PMFBP1: variants seen among roughly 807,000 people sequenced by gnomAD.
PMFBP1 encodes polyamine modulated factor 1 binding protein 1.
Under a neutral mutation model 137.8 loss-of-function variants are expected in PMFBP1, and 131 were observed. The observed-to-expected ratio is 0.95, with a 90% CI of 0.82 to 1.10. The LOEUF (loss-of-function observed/expected upper bound fraction) is 1.10. Ranked by LOEUF, PMFBP1 falls within the 50% of genes least tolerant of loss-of-function variation. PMFBP1 has a pLI of 0.00. For synonymous variants in PMFBP1, 490 were observed against 450.4 expected (o/e 1.09, Z -1.11); for missense variants, 1,199 against 1,175.4 (o/e 1.02, Z -0.29).
At chr16:72,172,994 A>G (rs2043235412), upstream of PMFBP1, among the ~76,000 whole-genome samples, 1 of 152,210 alleles carries the variant, frequency 6.6e-6, no homozygotes, top group South Asian at 2.1e-4. Flanking sequence ...GAACTCACAA[A>G]TGACTTCCAC....
chr16:72,243,322 T>C, the PMFBP1 span, among the ~76,000 whole-genome samples: 4 of 152,368 alleles, frequency 2.6e-5, no homozygotes, highest in East Asian at 7.7e-4. Flanking sequence ...AATACCCTTC[T>C]GCACGTGGAT....
chr16:72,178,926 C>A (rs532287991), upstream of PMFBP1, among the ~76,000 whole-genome samples: 2 of 152,286 alleles, frequency 1.3e-5, no homozygotes, highest in African/African-American at 2.4e-5. Context: ...GGGTAATATT[C>A]AGACAATTTT....
rs142460615 is a variant in PMFBP1 at position 72,119,964 on chromosome 16, G to A, written c.2894C>T (p.Thr965Met). 1.0e-3 allele frequency: 1,671 copies of A among 1,614,166 alleles called. 5 individuals are homozygous for A. The highest frequency in any genetic ancestry group is 2.5e-3 in the Middle Eastern group (15 of 6,062). Reference sequence around the variant, plus strand: ...CACTTTCTCCCTCTGTGTGGACTCCGTTCTGCTCGGGCCTAGGGCTTTGGT... The same window carrying A: ...CACTTTCTCCCTCTGTGTGGACTCCATTCTGCTCGGGCCTAGGGCTTTGGT... ...LCTKALGPSR[T>M]ESTQREKVCG... The change falls in exon 20 of 21, where the codon ACG (threonine) becomes ATG (methionine). Residue 965 changes from threonine to methionine, a missense_variant. Physicochemically the swap from Thr to Met is moderately conservative, Grantham distance 81. Coordinates refer to ENST00000237353, the MANE Select transcript of PMFBP1 (RefSeq NM_031293.3).
At chr16:72,140,683 A>G in intron 5 of PMFBP1, 101 bp from the exon 6 acceptor site, 1 of 1,022,798 alleles carries the variant, frequency 9.8e-7, no homozygotes, top group East Asian at 2.4e-5. Flanking sequence ...TTCTAAAGGT[A>G]TATGTTCATA....
intron 2 of PMFBP1, among the ~76,000 whole-genome samples, chr16:72,166,270 G>A (rs143906337): frequency 6.6e-6 from 1 of 152,192 alleles, no homozygotes; most frequent in African/African-American, 2.4e-5. Flanking sequence ...AATAGTGAGT[G>A]AGTTCTTACG....
At chr16:72,240,808 AT>A in the PMFBP1 span, among the ~76,000 whole-genome samples, 1 of 152,214 alleles carries the variant, frequency 6.6e-6, no homozygotes, top group Non-Finnish European at 1.5e-5. Flanking sequence ...CATCTCAAAT[AT>A]TCTTCATATT....
chr16:72,229,699 G>A, the PMFBP1 span, among the ~76,000 whole-genome samples: 1 of 151,992 alleles, frequency 6.6e-6, no homozygotes, highest in African/African-American at 2.4e-5. Context: ...GCTTCTTGAT[G>A]CACTCTTGGT....
the PMFBP1 span, among the ~76,000 whole-genome samples, chr16:72,201,591 C>A: frequency 6.6e-6 from 1 of 152,294 alleles, no homozygotes; most frequent in East Asian, 1.9e-4. Context: ...TAACAAAGAA[C>A]TCCAGCAAAG....
chr16:72,235,979 T>C, the PMFBP1 span, among the ~76,000 whole-genome samples: 4 of 152,170 alleles, frequency 2.6e-5, no homozygotes, highest in African/African-American at 9.7e-5. Flanking sequence ...TGGAAGCTTT[T>C]AATTGTTTTT....
chr16:72,233,740 C>T, the PMFBP1 span, among the ~76,000 whole-genome samples: 2 of 152,034 alleles, frequency 1.3e-5, no homozygotes. Context: ...ATTCGTCATT[C>T]CCTCCTTCCC....
Position 72,119,895 on chromosome 16 carries a change from T to C in PMFBP1, c.2963A>G (p.Gln988Arg). The change falls in exon 20 of 21, where the codon CAA becomes CGA. Residue 988 changes from glutamine (Q) to arginine (R), a missense_variant. By Grantham distance (43) the Gln-to-Arg change is conservative. Coordinates refer to ENST00000237353, the MANE Select transcript of PMFBP1 (RefSeq NM_031293.3). ...GATGTACTTGGTGAGGTCCATTCTT[T>C]GACCCATATCCTGGGGCAACCCCTT... ...GWKGLPQDMGQRMDLTKYIGM... is the reference protein window; with the variant it reads ...GWKGLPQDMGRRMDLTKYIGM... 1 of 1,614,234 alleles carries C rather than the reference T, an allele frequency of 6.2e-7. No homozygotes were observed. Among genetic ancestry groups the C allele is most frequent in the Non-Finnish European group, 8.5e-7 (1 of 1,180,032 alleles).
intron 3 of PMFBP1, among the ~76,000 whole-genome samples, chr16:72,164,213 C>T (rs1322761113): frequency 2.0e-5 from 3 of 152,118 alleles, no homozygotes; most frequent in African/African-American, 4.8e-5. Context: ...ACCATCTCCC[C>T]ATCTGACATT....
At chr16:72,231,767 T>G in the PMFBP1 span, among the ~76,000 whole-genome samples, 1 of 152,136 alleles carries the variant, frequency 6.6e-6, no homozygotes, top group Non-Finnish European at 1.5e-5. Flanking sequence ...ATTTTCTAAG[T>G]GTTCATTCTT....
chr16:72,180,923 C>A (rs906318326), upstream of PMFBP1, among the ~76,000 whole-genome samples: 3 of 152,170 alleles, frequency 2.0e-5, no homozygotes, highest in African/African-American at 7.2e-5. Flanking sequence ...TGCACTGCAG[C>A]ATTTGGGTGT....
the PMFBP1 span, among the ~76,000 whole-genome samples, chr16:72,199,907 G>C: frequency 6.6e-6 from 1 of 152,186 alleles, no homozygotes; most frequent in African/African-American, 2.4e-5. Context: ...CTGGTTGTCA[G>C]AGCTGACTCT....
chr16:72,185,235 GC>G, the PMFBP1 span, among the ~76,000 whole-genome samples: 2 of 151,978 alleles, frequency 1.3e-5, no homozygotes, highest in African/African-American at 4.8e-5. Context: ...TGTTGCCTAG[GC>G]TGGTTTTGAA....
the PMFBP1 span, among the ~76,000 whole-genome samples, chr16:72,231,501 T>C: frequency 1.3e-5 from 2 of 152,144 alleles, no homozygotes; most frequent in African/African-American, 4.8e-5. Flanking sequence ...GGATGAAGCC[T>C]GAAAATTGGA....
intron 5 of PMFBP1, among the ~76,000 whole-genome samples, chr16:72,141,055 C>A (rs2042713725): frequency 1.3e-5 from 2 of 151,274 alleles, no homozygotes; most frequent in African/African-American, 4.9e-5. Flanking sequence ...CTGCCTCAGC[C>A]CCCCAAATAG....
upstream of PMFBP1, among the ~76,000 whole-genome samples, chr16:72,173,450 T>C (rs1417530210): frequency 6.6e-6 from 1 of 152,204 alleles, no homozygotes; most frequent in Non-Finnish European, 1.5e-5. Flanking sequence ...TACACAGCTG[T>C]AGTTGCAAGA....
Sources: gnomAD v4.1 joint callset for allele counts (sites outside exome capture counted in the v4.1 genomes callset) on GRCh38, gnomAD v4.1.1 for gene constraint, MANE v1.5 for transcripts, NCBI Gene and HGNC (gene_info 2026-07-23, HGNC 2026-07-21) for gene names.